The following TXLNB variants were observed in gnomAD, a reference collection of about 807,000 sequenced individuals.
TXLNB encodes taxilin beta.
A neutral mutation model predicts 57.4 loss-of-function variants in TXLNB; 37 were observed. That is an observed-to-expected ratio of 0.64 (90% CI 0.50 to 0.85). The LOEUF (loss-of-function observed/expected upper bound fraction) is 0.85. TXLNB is among the 40% of genes least tolerant of loss of function. The pLI is 0.00. For missense variants in TXLNB, 848 were observed against 825.6 expected (o/e 1.03, Z -0.33); for synonymous variants, 302 against 309.6 (o/e 0.98, Z 0.26).
At chr6:139,321,633 C>CTTTT in the TXLNB span, among the ~76,000 whole-genome samples, 202 of 84,326 alleles carry the variant, frequency 2.4e-3, 2 homozygotes, top group African/African-American at 3.0e-3. Flanking sequence ...ACTACTCTCT[C>CTTTT]TTTTTTTTTT....
At chr6:139,164,078 A>ACT in the TXLNB span, among the ~76,000 whole-genome samples, 2 of 78,638 alleles carry the variant, frequency 2.5e-5, no homozygotes, top group African/African-American at 6.8e-5. Context: ...ACACACACAC[A>ACT]CACTCTCTCT....
At chr6:139,262,096 C>T (rs867214406) in intron 5 of TXLNB, among the ~76,000 whole-genome samples, 2 of 151,456 alleles carry the variant, frequency 1.3e-5, no homozygotes, top group Non-Finnish European at 1.5e-5. Context: ...GTAGTAGAGA[C>T]GGGATTTCAC....
chr6:139,300,496 G>T, the TXLNB span, among the ~76,000 whole-genome samples: 1 of 152,074 alleles, frequency 6.6e-6, no homozygotes. Context: ...TAGGCTAATT[G>T]TCCATTGATA....
At chr6:139,161,290 A>G in the TXLNB span, among the ~76,000 whole-genome samples, 3 of 152,076 alleles carry the variant, frequency 2.0e-5, no homozygotes, top group Non-Finnish European at 4.4e-5. Flanking sequence ...TGTATTTAAC[A>G]TGCTCTTGGC....
chr6:139,294,881 G>A (rs187652297), upstream of TXLNB, among the ~76,000 whole-genome samples: 1,035 of 152,104 alleles, frequency 6.8e-3, 5 homozygotes, highest in Non-Finnish European at 0.011. Context: ...CCCAGCTACT[G>A]GGGAGGCTGG....
At chr6:139,187,555 CTTT>C in the TXLNB span, among the ~76,000 whole-genome samples, 1 of 151,762 alleles carries the variant, frequency 6.6e-6, no homozygotes, top group African/African-American at 2.4e-5. Context: ...GGTTTGTGCA[CTTT>C]TTTATTAAAT....
the TXLNB span, among the ~76,000 whole-genome samples, chr6:139,226,917 C>CG: frequency 2.6e-5 from 4 of 152,148 alleles, no homozygotes; most frequent in Non-Finnish European, 4.4e-5. Context: ...GTCCCAGCTA[C>CG]GCGGGAGGCT....
At chr6:139,243,369 A>G in intron 9 of TXLNB, 55 bp from the exon 10 acceptor site, 1 of 1,516,836 alleles carries the variant, frequency 6.6e-7, no homozygotes. Context: ...CATGATAAGC[A>G]AAATGTCCAG....
chr6:139,225,186 T>G, the TXLNB span, among the ~76,000 whole-genome samples: 429 of 152,318 alleles, frequency 2.8e-3, 3 homozygotes, highest in African/African-American at 9.9e-3. Flanking sequence ...GTCCTTAATC[T>G]GATAGAAAAT....
At chr6:139,252,147 C>T (rs1776222533) in intron 7 of TXLNB, among the ~76,000 whole-genome samples, 1 of 152,192 alleles carries the variant, frequency 6.6e-6, no homozygotes, top group Non-Finnish European at 1.5e-5. Flanking sequence ...GAAGCCTGCC[C>T]CCAATTGGCC....
At position 139,270,597 on chromosome 6, in the gene TXLNB, C is replaced by G. The variant is rs778198404; in HGVS notation, c.546G>C (p.Lys182Asn). The G allele has an allele frequency of 1.2e-5, 19 of 1,613,954 alleles. No individual in the cohort carries two copies. The highest frequency in any genetic ancestry group is 1.3e-5 in the African/African-American group (1 of 74,916). The change falls in exon 4 of 10, where the codon AAG (lysine) becomes AAC (asparagine). Residue 182 changes from lysine (K) to asparagine (N), a missense_variant. By Grantham distance (94) the Lys-to-Asn change is moderately conservative (BLOSUM62 0). Transcript: ENST00000358430. ...LLDEHRTEQKKLKLLQKKQVQ... is the reference protein window; with the variant it reads ...LLDEHRTEQKNLKLLQKKQVQ... ...CCTGTTTCTTTTGGAGGAGCTTTAA[C>G]TTCTTTTGCTCAGTACGATGTTCAT...
chr6:139,237,135 ATATCT>A (rs1174787036), downstream of TXLNB, among the ~76,000 whole-genome samples: 9 of 152,216 alleles, frequency 5.9e-5, no homozygotes, highest in South Asian at 2.1e-4. Flanking sequence ...CTTATATGTC[ATATCT>A]TATCTTAAGA....
chr6:139,298,507 G>A, the TXLNB span, among the ~76,000 whole-genome samples: 1 of 152,202 alleles, frequency 6.6e-6, no homozygotes, highest in Non-Finnish European at 1.5e-5. Flanking sequence ...TCTTTGAAGA[G>A]CTCTTCCTTA....
the TXLNB span, among the ~76,000 whole-genome samples, chr6:139,160,934 G>A: frequency 6.6e-6 from 1 of 152,142 alleles, no homozygotes; most frequent in East Asian, 1.9e-4. Flanking sequence ...TACAGATGAG[G>A]AAACAAAACT....
At chr6:139,202,778 T>C in the TXLNB span, among the ~76,000 whole-genome samples, 1 of 152,244 alleles carries the variant, frequency 6.6e-6, no homozygotes. Context: ...AGTCACCTTA[T>C]AGCAGTATAG....
intron 3 of TXLNB, among the ~76,000 whole-genome samples, chr6:139,273,223 C>T (rs953370162): frequency 6.6e-6 from 1 of 152,164 alleles, no homozygotes; most frequent in East Asian, 1.9e-4. Context: ...TTGCTCAACA[C>T]CATCCCTAGC....
At chr6:139,159,688 T>G in the TXLNB span, among the ~76,000 whole-genome samples, 17 of 152,222 alleles carry the variant, frequency 1.1e-4, no homozygotes, top group African/African-American at 3.4e-4. Flanking sequence ...TGAGTCTGGT[T>G]GGGTCATTCT....
intron 8 of TXLNB, among the ~76,000 whole-genome samples, chr6:139,247,431 C>T (rs941077328): frequency 1.0e-4 from 15 of 150,750 alleles, no homozygotes; most frequent in African/African-American, 2.9e-4. Flanking sequence ...TGAACCACCA[C>T]GTCTGGACAA....
intron 2 of TXLNB, among the ~76,000 whole-genome samples, chr6:139,278,694 A>G (rs750130080): frequency 2.6e-5 from 4 of 152,222 alleles, no homozygotes; most frequent in Non-Finnish European, 5.9e-5. Context: ...TGCTCAGTAA[A>G]TGATGATAAT....
Sources: gnomAD v4.1 joint callset for allele counts (sites outside exome capture counted in the v4.1 genomes callset) on GRCh38, gnomAD v4.1.1 for gene constraint, MANE v1.5 for transcripts, NCBI Gene and HGNC (gene_info 2026-07-23, HGNC 2026-07-21) for gene names.